The following FBXL17 variants were observed in gnomAD, a reference collection of about 807,000 sequenced individuals.
FBXL17 encodes the protein F-box/LRR-repeat protein 17.
A neutral mutation model predicts 66.2 loss-of-function variants in FBXL17; 22 were observed. The observed-to-expected ratio is 0.33, with a 90% CI of 0.24 to 0.47. The LOEUF is 0.47. Ranked by LOEUF, FBXL17 falls within the 20% of genes least tolerant of loss-of-function variation. The pLI, the probability that FBXL17 is intolerant of heterozygous loss-of-function variation, is 1.00. For missense variants in FBXL17, 878 were observed against 948.2 expected, an observed-to-expected ratio of 0.93 and a Z score of 0.97; for synonymous variants, 474 against 400.5, an observed-to-expected ratio of 1.18 and a Z score of -2.19.
intron 6 of FBXL17, among the ~76,000 whole-genome samples, chr5:108,131,686 G>A (rs1006412803): frequency 6.6e-6 from 1 of 151,832 alleles, no homozygotes; most frequent in African/African-American, 2.4e-5. Context: ...TGATCAGTAA[G>A]AAAAAAATAA....
In FBXL17 at chr5:108,217,145, C is replaced by T. The variant is rs1451889936; in HGVS notation, c.1614+6976G>A. 5.3e-5 allele frequency among the ~76,000 whole-genome samples: 8 copies of T among 152,090 alleles called. 1 individual carries two copies. Among genetic ancestry groups the T allele is most frequent in the Admixed American group, 2.6e-4 (4 of 15,254 alleles). ...AGCCCACAGACTAAGCACATTCCTTCCCCTTCCCAGTCCATAAAAACCCTG... is the reference window on the plus strand; with the variant it reads ...AGCCCACAGACTAAGCACATTCCTTTCCCTTCCCAGTCCATAAAAACCCTG... On this transcript the variant is annotated intron_variant, in intron 5 of 8. Transcript: ENST00000542267.
chr5:108,246,379 C>G (rs115674454), intron 4 of FBXL17, among the ~76,000 whole-genome samples: 3,199 of 152,020 alleles, frequency 0.021, 118 homozygotes, highest in African/African-American at 0.073. Flanking sequence ...AAGCTGGGCA[C>G]GGTTGTGCAC....
chr5:107,897,107 TAGG>T (rs1236716463), intron 7 of FBXL17, among the ~76,000 whole-genome samples: 1 of 151,954 alleles, frequency 6.6e-6, no homozygotes, highest in African/African-American at 2.4e-5. Flanking sequence ...ACTAAGATAA[TAGG>T]AGAAGCAGCT....
At chr5:108,299,407 A>G (rs1758487768) in intron 4 of FBXL17, 1 of 970,624 alleles carries the variant, frequency 1.0e-6, no homozygotes, top group East Asian at 1.1e-4. Flanking sequence ...GCAAGTTTAC[A>G]TTACACAAAT....
intron 6 of FBXL17, among the ~76,000 whole-genome samples, chr5:108,112,601 C>T (rs1750081777): frequency 6.6e-6 from 1 of 152,016 alleles, no homozygotes; most frequent in South Asian, 2.1e-4. Context: ...AAACATATCC[C>T]ATGAGGAGAA....
At chr5:108,101,168 A>C (rs558680281) in intron 6 of FBXL17, among the ~76,000 whole-genome samples, 2 of 152,366 alleles carry the variant, frequency 1.3e-5, no homozygotes, top group Admixed American at 1.3e-4. Context: ...GAGGAGAGGC[A>C]TTGAAGAACC....
In FBXL17 at chr5:107,988,815, C is replaced by T. The variant is rs545902747; in HGVS notation, c.1822+32110G>A. On this transcript the variant is annotated intron_variant, in intron 7 of 8. Coordinates refer to ENST00000542267, the MANE Select transcript of FBXL17 (RefSeq NM_001163315.3). ...TTAGCTTAATGCAAGTAACTGCCCA[C>T]GCTGGAATTTAACTCCAAGGCAAAA... 1.6e-4 allele frequency among the ~76,000 whole-genome samples: 25 copies of T among 152,068 alleles called. No individual in the cohort carries two copies. In the East Asian group the frequency reaches 3.7e-3, roughly 22 times the overall value.
At chr5:108,176,649 T>A (rs775983089) in intron 6 of FBXL17, among the ~76,000 whole-genome samples, 60 of 152,112 alleles carry the variant, frequency 3.9e-4, no homozygotes, top group Non-Finnish European at 1.3e-4. Context: ...CTGAAATATA[T>A]ACATATCATA....
intron 6 of FBXL17, among the ~76,000 whole-genome samples, chr5:108,128,948 T>A (rs552554105): frequency 6.6e-6 from 1 of 151,996 alleles, no homozygotes; most frequent in Non-Finnish European, 1.5e-5. Context: ...TCATGGTATG[T>A]AGGAATTCAC....
chr5:108,140,647 G>A (rs1017367742), intron 6 of FBXL17, among the ~76,000 whole-genome samples: 5 of 152,084 alleles, frequency 3.3e-5, no homozygotes, highest in African/African-American at 1.2e-4. Flanking sequence ...CACACCCAAG[G>A]CTGTAACAGT....
At chr5:108,159,472 G>A (rs34427) in intron 6 of FBXL17, among the ~76,000 whole-genome samples, 31,651 of 151,970 alleles carry the variant, frequency 0.21, 3,652 homozygotes, top group South Asian at 0.43. Flanking sequence ...CAGAGGCAGC[G>A]TCCTTCTGAA....
At chr5:108,045,732 T>C (rs1376264381) in intron 6 of FBXL17, among the ~76,000 whole-genome samples, 2 of 152,226 alleles carry the variant, frequency 1.3e-5, no homozygotes, top group African/African-American at 4.8e-5. Context: ...CTATGAATTA[T>C]TTAGAAGTCT....
chr5:108,058,283 G>A (rs906491874), intron 6 of FBXL17, among the ~76,000 whole-genome samples: 1 of 152,058 alleles, frequency 6.6e-6, no homozygotes, highest in African/African-American at 2.4e-5. Context: ...TTTAAACTGA[G>A]GTAAATGTGA....
At chr5:108,087,778 A>T (rs545141210) in intron 6 of FBXL17, among the ~76,000 whole-genome samples, 1 of 152,110 alleles carries the variant, frequency 6.6e-6, no homozygotes, top group South Asian at 2.1e-4. Flanking sequence ...CCCCTTTTCA[A>T]CCCTCCTTTG....
chr5:108,262,787 T>C (rs1267436832), intron 4 of FBXL17, among the ~76,000 whole-genome samples: 1 of 152,184 alleles, frequency 6.6e-6, no homozygotes, highest in Non-Finnish European at 1.5e-5. Context: ...TAAAATACAA[T>C]TGTCATGAAG....
chr5:107,902,534 G>C (rs577331031), intron 7 of FBXL17, among the ~76,000 whole-genome samples: 1 of 152,008 alleles, frequency 6.6e-6, no homozygotes, highest in African/African-American at 2.4e-5. Flanking sequence ...GAGTTGCGGC[G>C]GTCAAAATTG....
At chr5:107,972,256 T>C (rs1420354010) in intron 7 of FBXL17, among the ~76,000 whole-genome samples, 3 of 152,134 alleles carry the variant, frequency 2.0e-5, no homozygotes, top group Non-Finnish European at 4.4e-5. Flanking sequence ...GTAAACAAAA[T>C]TGTATGTTGA....
chr5:108,264,398 G>A (rs1756963512), intron 4 of FBXL17, among the ~76,000 whole-genome samples: 2 of 151,874 alleles, frequency 1.3e-5, no homozygotes, highest in Admixed American at 1.3e-4. Context: ...AAAAGATAAA[G>A]AGAACCAACA....
In FBXL17 at chr5:108,306,436, C is replaced by T. The variant is rs564708880; in HGVS notation, c.1506+41963G>A. 7.2e-5 allele frequency among the ~76,000 whole-genome samples: 11 copies of T among 152,176 alleles called. No homozygotes were observed. In the South Asian group the frequency reaches 2.3e-3, roughly 32 times the overall value. On this transcript the variant is annotated intron_variant, in intron 4 of 8. Transcript: ENST00000542267. ...ATATGAATTTTGATGCCATACTACC[C>T]GGTTTCTAACCTTGTACCTGAAATA...
Sources: gnomAD v4.1 joint callset for allele counts (sites outside exome capture counted in the v4.1 genomes callset) on GRCh38, gnomAD v4.1.1 for gene constraint, MANE v1.5 for transcripts, NCBI Gene and HGNC (gene_info 2026-07-23, HGNC 2026-07-21) for gene names.